DERL1: variants seen among roughly 807,000 people sequenced by gnomAD.
DERL1 encodes derlin-1.
DERL1 carries 24 observed loss-of-function variants against 41.6 expected under a neutral mutation model. The ratio of observed to expected loss-of-function variants is 0.58; its 90% CI spans 0.42 to 0.81. The LOEUF is 0.81. Among genes scored for constraint, DERL1 ranks in the 30% least tolerant of loss-of-function variants. The pLI, the probability that DERL1 is intolerant of heterozygous loss-of-function variation, is 0.00. For missense variants in DERL1, 260 were observed against 314.3 expected (o/e 0.83, Z 1.31); for synonymous variants, 124 against 112.5 (o/e 1.10, Z -0.65).
chr8:123,023,604 C>A, intron 4 of DERL1, 109 bp downstream of exon 4: 1 of 965,374 alleles, frequency 1.0e-6, no homozygotes. Flanking sequence ...TTTCAAAATA[C>A]CACATAATTA....
Position 123,028,306 on chromosome 8 carries a change from G to A in DERL1, c.265+2299C>T, listed in dbSNP as rs114406381. Reference sequence around the variant, plus strand: ...CCATTAGATGGTTAAGGAGGGGTTCGTACTGACACACACTATGACAGGAAT... The same window carrying A: ...CCATTAGATGGTTAAGGAGGGGTTCATACTGACACACACTATGACAGGAAT... On this transcript the variant is annotated intron_variant, in intron 2 of 7. Coordinates refer to ENST00000259512, the MANE Select transcript of DERL1 (RefSeq NM_024295.6). 3.8e-3 allele frequency among the ~76,000 whole-genome samples: 586 copies of A among 152,256 alleles called. 3 individuals carry two copies. The highest frequency in any genetic ancestry group is 0.013 in the African/African-American group (550 of 41,552).
chr8:123,030,774 C>T (rs1812803692), intron 1 of DERL1, 58 bp from the exon 2 acceptor site: 1 of 1,219,794 alleles, frequency 8.2e-7, no homozygotes, highest in Non-Finnish European at 1.2e-6. Flanking sequence ...TATTTCTTTC[C>T]CTTCTAACTA....
At position 123,024,485 on chromosome 8, in the gene DERL1, G is replaced by A. The variant is rs1812637124; in HGVS notation, c.330+501C>T. On this transcript the variant is annotated intron_variant, in intron 3 of 7. Coordinates refer to ENST00000259512, the MANE Select transcript of DERL1 (RefSeq NM_024295.6). Reference sequence around the variant, plus strand: ...AGAGTCCTGCAGTTGGAGGGCTGCTGACAACTGCTATTGATACAAAGCAGA... The same window carrying A: ...AGAGTCCTGCAGTTGGAGGGCTGCTAACAACTGCTATTGATACAAAGCAGA... Among the ~76,000 whole-genome samples, 4 of 152,192 alleles carry A rather than the reference G, an allele frequency of 2.6e-5. No individual in the cohort carries two copies. The South Asian group carries it at 8.3e-4, about 32-fold the overall frequency.
At chr8:123,032,673 G>A (rs974301402) in intron 1 of DERL1, among the ~76,000 whole-genome samples, 2 of 152,072 alleles carry the variant, frequency 1.3e-5, no homozygotes, top group Non-Finnish European at 2.9e-5. Context: ...AGATCCAACT[G>A]TTTTTCTAAA....
At chr8:123,035,786 T>C (rs1680509777) in intron 1 of DERL1, among the ~76,000 whole-genome samples, 1 of 152,196 alleles carries the variant, frequency 6.6e-6, no homozygotes, top group African/African-American at 2.4e-5. Context: ...GAGTGTAGGT[T>C]GCAGCCATCC....
At position 123,015,456 on chromosome 8, in the gene DERL1, TC is replaced by T. The variant is rs1814537184; in HGVS notation, c.746del (p.Gly249GlufsTer25). ...RHNWGQGFRL[G>X]DQ ...GCCCGAGGCCGCCCCTTCACTGGTC[TC>T]CAAGTCGAAAGCCCTGGCCCCAGTT... On this transcript the variant is annotated frameshift_variant, in exon 8 of 8. Coordinates refer to ENST00000259512, the MANE Select transcript of DERL1 (RefSeq NM_024295.6). LOFTEE classifies it high-confidence loss of function. 3.7e-6 allele frequency: 6 copies of T among 1,612,926 alleles called. No homozygotes were observed. The highest frequency in any genetic ancestry group is 5.1e-6 in the Non-Finnish European group (6 of 1,179,536).
intron 3 of DERL1, among the ~76,000 whole-genome samples, chr8:123,024,499 A>C (rs1286670414): frequency 6.6e-6 from 1 of 152,234 alleles, no homozygotes; most frequent in Middle Eastern, 3.2e-3. Context: ...ACTGCTATTG[A>C]TACAAAGCAG....
At chr8:123,028,417 G>A (rs886656963) in intron 2 of DERL1, among the ~76,000 whole-genome samples, 1 of 152,174 alleles carries the variant, frequency 6.6e-6, no homozygotes, top group Non-Finnish European at 1.5e-5. Context: ...CCATATACAC[G>A]GAAAGTAGAT....
chr8:123,034,797 G>T (rs1214313958), intron 1 of DERL1, among the ~76,000 whole-genome samples: 1 of 152,212 alleles, frequency 6.6e-6, no homozygotes. Context: ...TGGGAGTAAA[G>T]ACCAGAAGCA....
At position 123,042,019 on chromosome 8, in the gene DERL1, CTGA is replaced by C; in HGVS notation, c.101_103del (p.Ile34del). On this transcript the variant is annotated inframe_deletion, in exon 1 of 8. Coordinates refer to ENST00000259512, the MANE Select transcript of DERL1 (RefSeq NM_024295.6). ...GGGCCAGAGGAAGAGGTAGGCCGGG[CTGA>C]TGAGGCCGAGTTTGCCGACCAAGGG... 6.2e-7 allele frequency: 1 copy of C among 1,613,934 alleles called. No individual in the cohort carries two copies. Among genetic ancestry groups the C allele is most frequent in the East Asian group, 2.2e-5 (1 of 44,870 alleles).
At chr8:123,021,744 T>C (rs1391921959) in intron 5 of DERL1, among the ~76,000 whole-genome samples, 1 of 152,210 alleles carries the variant, frequency 6.6e-6, no homozygotes, top group Non-Finnish European at 1.5e-5. Flanking sequence ...ACAGGTCTGA[T>C]GCAATACAGG....
At chr8:123,023,890 G>A in intron 3 of DERL1, 151 bp from the exon 4 acceptor site, 1 of 743,044 alleles carries the variant, frequency 1.3e-6, no homozygotes, top group South Asian at 2.7e-5. Flanking sequence ...GGCCAAGATG[G>A]GAGGACTGCT....
Position 123,025,058 on chromosome 8 carries a change from C to A in DERL1, c.266-8G>T. ...GCCTCCCATCAAAAGCTCCTGGAAA[C>A]AAAAACAAGCCAAATGTCATGGTTC... On this transcript the variant is annotated splice_region_variant and splice_polypyrimidine_tract_variant and intron_variant, in intron 2 of 7. Coordinates refer to ENST00000259512, the MANE Select transcript of DERL1 (RefSeq NM_024295.6). 6.2e-7 allele frequency: 1 copy of A among 1,611,794 alleles called. No homozygotes were observed. The highest frequency in any genetic ancestry group is 8.5e-7 in the Non-Finnish European group (1 of 1,179,036).
chr8:123,015,524 T>C lies in DERL1; in HGVS notation c.679A>G (p.Met227Val), dbSNP rs768107833. The C allele has an allele frequency of 2.5e-6, 4 of 1,613,338 alleles. No homozygotes were observed. In the Admixed American group the frequency reaches 6.7e-5, roughly 27 times the overall value. Residue 227 changes from methionine to valine, a missense_variant, in exon 8 of 8, where the codon ATG (methionine) becomes GTG (valine). Transcript: ENST00000259512. ...CCATTCTGATCAGCAGCTCGCCTCA[T>C]GCTAGCAGGGGGCACACCAAATCCT... The part of the protein sequence containing the change: ...VSGFGVPPAS[M>V]RRAADQNGGG...
intron 1 of DERL1, among the ~76,000 whole-genome samples, chr8:123,040,204 C>T (rs1472043545): frequency 1.3e-5 from 2 of 151,962 alleles, no homozygotes; most frequent in East Asian, 1.9e-4. Context: ...GGCAACAGAG[C>T]GAGACTCCGT....
chr8:123,032,783 T>C (rs753010113), intron 1 of DERL1, among the ~76,000 whole-genome samples: 6 of 152,210 alleles, frequency 3.9e-5, no homozygotes, highest in African/African-American at 7.2e-5. Context: ...CTAGTCTCTT[T>C]TACATGTAGG....
rs1223652353 is a variant in DERL1, at chr8:123,042,244, A to C, written c.-122T>G. On this transcript the variant is annotated 5_prime_UTR_variant, in exon 1 of 8. Coordinates refer to ENST00000259512, the MANE Select transcript of DERL1 (RefSeq NM_024295.6). Reference sequence around the variant, plus strand: ...GTGGAAGCCGCCGAAGCCGCGATGCAGAAGGCGGAGACGGGCGGACGTGGC... The same window carrying C: ...GTGGAAGCCGCCGAAGCCGCGATGCCGAAGGCGGAGACGGGCGGACGTGGC... 3 of 1,296,662 alleles carry C rather than the reference A, an allele frequency of 2.3e-6. No homozygotes were observed. The African/African-American group carries it at 4.6e-5, about 20-fold the overall frequency. The allele number at this position is 1,296,662 out of a possible 1,614,324, so 80.3% of individuals were successfully genotyped here.
In DERL1 at chr8:123,027,319, ATT is replaced by A. The variant is rs55901927; in HGVS notation, c.266-2271_266-2270del. ...AAAAAAAAAAAAAAAAAAAAAAAAA[ATT>A]TAGTGGTCTCCTAAGGGTGTGGGGG... On this transcript the variant is annotated intron_variant, in intron 2 of 7. Coordinates refer to ENST00000259512, the MANE Select transcript of DERL1 (RefSeq NM_024295.6). Among the ~76,000 whole-genome samples, 62 of 60,264 alleles carry A rather than the reference ATT, an allele frequency of 1.0e-3. 3 individuals carry two copies. The highest frequency in any genetic ancestry group is 2.9e-3 in the African/African-American group (29 of 9,854). The allele number at this position is 60,264 out of a possible 152,430, so 39.5% of individuals were successfully genotyped here.
At chr8:123,033,061 C>G (rs1812851534) in intron 1 of DERL1, among the ~76,000 whole-genome samples, 1 of 151,886 alleles carries the variant, frequency 6.6e-6, no homozygotes, top group Admixed American at 6.6e-5. Context: ...CGGGCTCTTC[C>G]TATGTTGTCC....
Sources: allele counts gnomAD v4.1 joint callset (sites outside exome capture counted in the v4.1 genomes callset), GRCh38; gene constraint gnomAD v4.1.1; transcripts MANE v1.5; gene names NCBI Gene and HGNC (gene_info 2026-07-23, HGNC 2026-07-21).